Variants in FCAR observed in about 807,000 individuals in gnomAD.
The protein encoded by FCAR is immunoglobulin alpha Fc receptor.
Under a neutral mutation model 27.1 loss-of-function variants are expected in FCAR, and 21 were observed. The observed-to-expected ratio is 0.77, with a 90% CI of 0.55 to 1.11. The LOEUF is 1.11. Ranked by LOEUF, FCAR falls within the 50% of genes most tolerant of loss-of-function variation. The pLI, the probability that FCAR is intolerant of heterozygous loss-of-function variation, is 0.00. For missense variants in FCAR, 404 were observed against 358.4 expected, an observed-to-expected ratio of 1.13 and a Z score of -1.03; for synonymous variants, 134 against 135.8, an observed-to-expected ratio of 0.99 and a Z score of 0.09.
At chr19:54,880,634 T>G (rs2066358169) in intron 2 of FCAR, among the ~76,000 whole-genome samples, 1 of 152,250 alleles carries the variant, frequency 6.6e-6, no homozygotes, top group Admixed American at 6.5e-5. Context: ...TTTGAGTTGA[T>G]GGAGTTCTTG....
chr19:54,884,572 T>G (rs1320294031), intron 2 of FCAR, among the ~76,000 whole-genome samples: 1 of 151,572 alleles, frequency 6.6e-6, no homozygotes, highest in African/African-American at 2.4e-5. Context: ...GCGGAGGAGC[T>G]GAGATTGCAC....
intron 2 of FCAR, among the ~76,000 whole-genome samples, chr19:54,884,232 C>G (rs587676724): frequency 6.6e-6 from 1 of 152,218 alleles, no homozygotes; most frequent in Admixed American, 6.5e-5. Context: ...TCACTGCTCC[C>G]ACGCACCATG....
chr19:54,881,560 C>T (rs7247521), intron 2 of FCAR, among the ~76,000 whole-genome samples: 1 of 152,024 alleles, frequency 6.6e-6, no homozygotes, highest in Non-Finnish European at 1.5e-5. Flanking sequence ...CTCCGTATGG[C>T]GACTGCGGTG....
chr19:54,889,392 A>C (rs1202570253), intron 4 of FCAR, among the ~76,000 whole-genome samples: 2 of 112,656 alleles, frequency 1.8e-5, no homozygotes, highest in Non-Finnish European at 3.5e-5. Flanking sequence ...AAAAAAAAAA[A>C]CACACACAAC....
At chr19:54,888,971 G>A (rs919747699) in intron 4 of FCAR, 34 of 912,922 alleles carry the variant, frequency 3.7e-5, no homozygotes, top group Non-Finnish European at 4.2e-5. Context: ...AGGAGGCTGA[G>A]GCAGGAGAAT....
chr19:54,882,825 G>C (rs2066500195), intron 2 of FCAR, among the ~76,000 whole-genome samples: 1 of 151,960 alleles, frequency 6.6e-6, no homozygotes, highest in Admixed American at 6.6e-5. Context: ...TTCATTTCTG[G>C]GTGTTTTCAG....
chr19:54,875,950 C>T (rs2066068453), intron 2 of FCAR, among the ~76,000 whole-genome samples: 1 of 152,220 alleles, frequency 6.6e-6, no homozygotes, highest in Non-Finnish European at 1.5e-5. Flanking sequence ...AATACTCATT[C>T]TTCCTATCCA....
intron 2 of FCAR, among the ~76,000 whole-genome samples, chr19:54,876,667 C>A (rs1200402692): frequency 6.6e-6 from 1 of 152,070 alleles, no homozygotes; most frequent in Non-Finnish European, 1.5e-5. Flanking sequence ...TGCCTGTAAT[C>A]CCAGCACTTT....
chr19:54,876,876 A>G (rs1357800244), intron 2 of FCAR, among the ~76,000 whole-genome samples: 1 of 152,192 alleles, frequency 6.6e-6, no homozygotes, highest in Non-Finnish European at 1.5e-5. Context: ...AGCCAAGTTC[A>G]CGCCACTACA....
At chr19:54,878,648 G>A (rs1191723741) in intron 2 of FCAR, among the ~76,000 whole-genome samples, 1 of 151,244 alleles carries the variant, frequency 6.6e-6, no homozygotes, top group Admixed American at 6.6e-5. Context: ...TGGTCTTCAT[G>A]TTGAATTGAA....
At chr19:54,878,269 A>C (rs2066211525) in intron 2 of FCAR, among the ~76,000 whole-genome samples, 1 of 152,202 alleles carries the variant, frequency 6.6e-6, no homozygotes. Context: ...AGTATGTGCC[A>C]TGAGGCAATG....
At chr19:54,881,880 CAAATAAATAAATAAATAAATAAAT>C (rs59590774) in intron 2 of FCAR, among the ~76,000 whole-genome samples, 5 of 129,428 alleles carry the variant, frequency 3.9e-5, no homozygotes. Flanking sequence ...GACTCCGTCT[CAAATAAATAAATAAATAAATAAAT>C]AAATAAATAA....
chr19:54,885,209 T>C (rs1181315105), intron 2 of FCAR, 26 bp from the exon 3 acceptor site: 1 of 1,600,782 alleles, frequency 6.2e-7, no homozygotes, highest in East Asian at 2.2e-5. Context: ...GCAAGCCACC[T>C]CAGTCTGGGC....
In FCAR at chr19:54,885,268, C is replaced by T. The variant is rs773603335; in HGVS notation, c.104C>T (p.Ser35Leu). Residue 35 changes from serine to leucine, a missense_variant, in exon 3 of 5, where the codon TCG becomes TTG. Ser to Leu is a moderately radical substitution (Grantham distance 145, BLOSUM62 -2). Coordinates refer to ENST00000355524, the MANE Select transcript of FCAR (RefSeq NM_002000.4). ...DFPMPFISAK[S>L]SPVIPLDGSV... ...CCCATGCCTTTCATATCTGCCAAAT[C>T]GAGTCCTGTGATTCCCTTGGATGGA... 7 of 1,613,822 alleles carry T rather than the reference C, an allele frequency of 4.3e-6. No individual in the cohort carries two copies. Among genetic ancestry groups the T allele is most frequent in the East Asian group, 4.5e-5 (2 of 44,870 alleles).
intron 2 of FCAR, among the ~76,000 whole-genome samples, chr19:54,882,242 A>G (rs1459937824): frequency 6.6e-6 from 1 of 152,200 alleles, no homozygotes; most frequent in Non-Finnish European, 1.5e-5. Context: ...CTGGGAACTC[A>G]AAAAGCCAGT....
intron 2 of FCAR, among the ~76,000 whole-genome samples, chr19:54,876,128 A>G (rs2066077120): frequency 6.6e-6 from 1 of 152,058 alleles, no homozygotes; most frequent in Non-Finnish European, 1.5e-5. Context: ...TTTGGCTCTC[A>G]GCTTAGATGT....
chr19:54,883,452 G>A (rs1379370799), intron 2 of FCAR, among the ~76,000 whole-genome samples: 1 of 152,182 alleles, frequency 6.6e-6, no homozygotes, highest in Non-Finnish European at 1.5e-5. Context: ...GCAGGGCATG[G>A]TGGGCAGACA....
At position 54,885,314 on chromosome 19, in the gene FCAR, G is replaced by A; in HGVS notation, c.150G>A (p.Gln50=). The A allele has an allele frequency of 2.5e-6, 4 of 1,614,038 alleles. No individual in the cohort carries two copies. The highest frequency in any genetic ancestry group is 3.4e-6 in the Non-Finnish European group (4 of 1,179,984). ...PLDGSVKIQC[Q]AIREAYLTQL... is the part of the protein sequence containing the mutation. ...ATGGATCTGTGAAAATCCAGTGCCA[G>A]GCCATTCGTGAAGCTTACCTGACCC... The change falls in exon 3 of 5, where the codon CAG becomes CAA. Residue 50 remains glutamine, a synonymous_variant. Transcript: ENST00000355524.
chr19:54,886,227 G>A (rs2066712673), intron 3 of FCAR, among the ~76,000 whole-genome samples: 2 of 150,164 alleles, frequency 1.3e-5, no homozygotes, highest in East Asian at 2.0e-4. Flanking sequence ...CAGGCTGGGC[G>A]ACAGGGCGAG....
Sources: gnomAD v4.1 joint callset for allele counts (sites outside exome capture counted in the v4.1 genomes callset) on GRCh38, gnomAD v4.1.1 for gene constraint, MANE v1.5 for transcripts, NCBI Gene and HGNC (gene_info 2026-07-23, HGNC 2026-07-21) for gene names.